PDE5A: variants seen among roughly 807,000 people sequenced by gnomAD.
The protein encoded by PDE5A is cGMP-specific 3',5'-cyclic phosphodiesterase.
Under a neutral mutation model 110.2 loss-of-function variants are expected in PDE5A, and 67 were observed. The ratio of observed to expected loss-of-function variants is 0.61; its 90% CI spans 0.50 to 0.75. The LOEUF is 0.75. PDE5A is among the 30% of genes least tolerant of loss of function. The pLI, the probability that PDE5A is intolerant of heterozygous loss-of-function variation, is 0.00. For synonymous variants in PDE5A, 328 were observed against 351.2 expected, an observed-to-expected ratio of 0.93 and a Z score of 0.74; for missense variants, 862 against 1,045.1, an observed-to-expected ratio of 0.82 and a Z score of 2.42.
At position 119,595,691 on chromosome 4, in the gene PDE5A, T is replaced by G. The variant is rs986677386; in HGVS notation, c.831+832A>C. ...AGCAAATCTCCCATTTCTCAGGCCTTCAGCCTCAGACTGAATTACACCACA... is the reference window on the plus strand; with the variant it reads ...AGCAAATCTCCCATTTCTCAGGCCTGCAGCCTCAGACTGAATTACACCACA... On this transcript the variant is annotated intron_variant, in intron 3 of 20. Coordinates refer to ENST00000354960, the MANE Select transcript of PDE5A (RefSeq NM_001083.4). Among the ~76,000 whole-genome samples, 4 of 152,352 alleles carry G rather than the reference T, an allele frequency of 2.6e-5. No individual in the cohort carries two copies. In the East Asian group the frequency reaches 7.7e-4, roughly 29 times the overall value.
intron 1 of PDE5A, among the ~76,000 whole-genome samples, chr4:119,622,136 T>C (rs1321096155): frequency 1.3e-5 from 2 of 150,388 alleles, no homozygotes; most frequent in African/African-American, 4.9e-5. Flanking sequence ...ATCACGCCAC[T>C]GCACTCCAGC....
Position 119,544,525 on chromosome 4 carries a change from T to C in PDE5A, c.1397-1891A>G, listed in dbSNP as rs1417442698. Among the ~76,000 whole-genome samples the C allele has an allele frequency of 3.3e-5, 5 of 152,334 alleles. No homozygotes were observed. The East Asian group carries it at 9.6e-4, about 29-fold the overall frequency. On this transcript the variant is annotated intron_variant, in intron 9 of 20. Coordinates refer to ENST00000354960, the MANE Select transcript of PDE5A (RefSeq NM_001083.4). ...AATCCCCAAAATATAAATATGGAAC[T>C]GTTTATACAGGCTTCTGTCTCCTAA... is the stretch of plus-strand genomic sequence containing the variant.
intron 1 of PDE5A, among the ~76,000 whole-genome samples, chr4:119,614,953 T>C (rs776511663): frequency 2.8e-4 from 42 of 152,184 alleles, no homozygotes; most frequent in Non-Finnish European, 4.7e-4. Context: ...TGTAAGGTGC[T>C]GACTGTCTTC....
intron 3 of PDE5A, among the ~76,000 whole-genome samples, chr4:119,569,128 G>A (rs183774402): frequency 1.1e-3 from 169 of 151,232 alleles, no homozygotes; most frequent in Middle Eastern, 0.01. Flanking sequence ...TGATCTTCGA[G>A]GCTGAGGCTA....
At chr4:119,626,280 A>G (rs539415198) in intron 1 of PDE5A, among the ~76,000 whole-genome samples, 6 of 152,196 alleles carry the variant, frequency 3.9e-5, no homozygotes, top group Non-Finnish European at 7.3e-5. Flanking sequence ...AATGTAACTC[A>G]GCTCTTTCCA....
intron 13 of PDE5A, 58 bp from the exon 14 acceptor site, chr4:119,519,197 T>C: frequency 8.3e-7 from 1 of 1,206,984 alleles, no homozygotes; most frequent in African/African-American, 1.5e-5. Flanking sequence ...GTGAAGGACA[T>C]TATATTACCT....
chr4:119,526,742 T>C (rs771030864), intron 11 of PDE5A, among the ~76,000 whole-genome samples: 29 of 152,270 alleles, frequency 1.9e-4, no homozygotes, highest in Non-Finnish European at 4.1e-4. Context: ...CTGAAGGCAC[T>C]TGCACATTCT....
chr4:119,598,834 T>A (rs527660460), intron 2 of PDE5A, among the ~76,000 whole-genome samples: 18 of 152,256 alleles, frequency 1.2e-4, no homozygotes, highest in African/African-American at 4.3e-4. Context: ...ACAGGGGCTG[T>A]GCTGGGGGGT....
At chr4:119,596,417 T>G in intron 3 of PDE5A, 106 bp downstream of exon 3, 1 of 512,214 alleles carries the variant, frequency 2.0e-6, no homozygotes, top group Non-Finnish European at 3.3e-6. Flanking sequence ...TTATAGCTAA[T>G]TTGTCACTAA....
At chr4:119,518,581 C>T (rs546654633) in intron 14 of PDE5A, among the ~76,000 whole-genome samples, 34 of 152,248 alleles carry the variant, frequency 2.2e-4, no homozygotes, top group Middle Eastern at 3.4e-3. Flanking sequence ...CAGGACATAA[C>T]GGTATAGAGA....
chr4:119,582,281 C>T (rs879706014), intron 3 of PDE5A, among the ~76,000 whole-genome samples: 2 of 152,214 alleles, frequency 1.3e-5, no homozygotes, highest in Non-Finnish European at 2.9e-5. Context: ...CTCAAGAAAC[C>T]ACTTTCTTTG....
At chr4:119,600,329 TATA>T (rs1279665117) in intron 2 of PDE5A, among the ~76,000 whole-genome samples, 12 of 152,266 alleles carry the variant, frequency 7.9e-5, no homozygotes, top group Middle Eastern at 6.8e-3. Flanking sequence ...TTGTTTTTAT[TATA>T]ATAAGTAGAT....
intron 14 of PDE5A, among the ~76,000 whole-genome samples, chr4:119,511,338 T>C (rs1331995504): frequency 1.3e-5 from 2 of 152,032 alleles, no homozygotes; most frequent in African/African-American, 4.8e-5. Context: ...CAAATACCAA[T>C]GTGACCATTG....
Position 119,561,717 on chromosome 4 carries a change from T to G in PDE5A, c.1131+1116A>C, listed in dbSNP as rs558941226. On this transcript the variant is annotated intron_variant, in intron 6 of 20. Transcript: ENST00000354960. ...CTATATTAAGGATTTTATAACTGAT[T>G]GAAAAATATGAAATAGTATCTATGA... Among the ~76,000 whole-genome samples the G allele has an allele frequency of 7.2e-5, 11 of 152,290 alleles. No individual in the cohort carries two copies. In the East Asian group the frequency reaches 2.1e-3, roughly 29 times the overall value.
Position 119,567,093 on chromosome 4 carries a change from A to C in PDE5A, c.883T>G (p.Phe295Val). 2 of 1,613,404 alleles carry C rather than the reference A, an allele frequency of 1.2e-6. No homozygotes were observed. The highest frequency in any genetic ancestry group is 1.7e-6 in the Non-Finnish European group (2 of 1,179,464). Residue 295 changes from phenylalanine (F) to valine (V), a missense_variant, in exon 4 of 21, where the codon TTT becomes GTT. Phe to Val is a conservative substitution (Grantham distance 50). Coordinates refer to ENST00000354960, the MANE Select transcript of PDE5A (RefSeq NM_001083.4). ...GGTACCTTTTCATCTTTTTCAGTAA[A>C]TGTCCCACCGTTTCCTGATTTCTTG... ...INKKSGNGGT[F>V]TEKDEKDFAA...
At chr4:119,620,935 A>G (rs1311911426) in intron 1 of PDE5A, among the ~76,000 whole-genome samples, 1 of 152,186 alleles carries the variant, frequency 6.6e-6, no homozygotes, top group Non-Finnish European at 1.5e-5. Flanking sequence ...ATTATAGGCC[A>G]AATTGTAGCA....
intron 3 of PDE5A, among the ~76,000 whole-genome samples, chr4:119,572,975 C>A (rs1049891818): frequency 5.3e-5 from 8 of 152,160 alleles, no homozygotes; most frequent in African/African-American, 1.9e-4. Context: ...TAAATCTATA[C>A]ACAAAACATA....
rs190109627 is a variant in PDE5A, at chr4:119,607,433, T to C, written c.153-136A>G. Reference sequence around the variant, plus strand: ...GTTATAGAAAATAAAAACAAGATGGTTTACTTAAGACATATGATTTTGGCC... The same window carrying C: ...GTTATAGAAAATAAAAACAAGATGGCTTACTTAAGACATATGATTTTGGCC... On this transcript the variant is annotated intron_variant, in intron 1 of 20. Coordinates refer to ENST00000354960, the MANE Select transcript of PDE5A (RefSeq NM_001083.4). The C allele has an allele frequency of 1.1e-3, 694 of 647,568 alleles. 7 individuals are homozygous for C. The highest frequency in any genetic ancestry group is 0.011 in the East Asian group (389 of 36,586). The allele number at this position is 647,568 out of a possible 1,614,324, so 40.1% of individuals were successfully genotyped here.
intron 1 of PDE5A, among the ~76,000 whole-genome samples, chr4:119,617,403 C>T (rs148601661): frequency 0.011 from 1,674 of 152,166 alleles, 14 homozygotes; most frequent in Non-Finnish European, 0.018. Context: ...TGTCTGTGTC[C>T]GAAGGGTCTC....
Sources: allele counts gnomAD v4.1 joint callset (sites outside exome capture counted in the v4.1 genomes callset), GRCh38; gene constraint gnomAD v4.1.1; transcripts MANE v1.5; gene names NCBI Gene and HGNC (gene_info 2026-07-23, HGNC 2026-07-21).